KLHL3: variants seen among roughly 807,000 people sequenced by gnomAD.
KLHL3 encodes the protein kelch-like protein 3.
In KLHL3, 19 loss-of-function variants were observed where a neutral mutation model predicts 70.5. That is an observed-to-expected ratio of 0.27 (90% CI 0.19 to 0.40). KLHL3 has a LOEUF of 0.40. Ranked by LOEUF, KLHL3 falls within the 10% of genes least tolerant of loss-of-function variation. The pLI is 1.00. For missense variants in KLHL3, 512 were observed against 771.1 expected (o/e 0.66, Z 3.98); for synonymous variants, 258 against 290.3 (o/e 0.89, Z 1.13).
chr5:137,640,340 G>C (rs921273931), intron 8 of KLHL3, among the ~76,000 whole-genome samples: 2 of 152,182 alleles, frequency 1.3e-5, no homozygotes, highest in African/African-American at 4.8e-5. Flanking sequence ...CTTTGAAAAA[G>C]AGTTCAGAAT....
intron 5 of KLHL3, among the ~76,000 whole-genome samples, chr5:137,685,235 T>C (rs893044827): frequency 6.6e-6 from 1 of 152,146 alleles, no homozygotes; most frequent in South Asian, 2.1e-4. Context: ...TACTCCAAAA[T>C]ATTATGTACA....
intron 11 of KLHL3, among the ~76,000 whole-genome samples, chr5:137,636,182 T>TACTACTAACATAG (rs920583985): frequency 6.6e-6 from 1 of 152,184 alleles, no homozygotes; most frequent in African/African-American, 2.4e-5. Context: ...TATGTTAGAA[T>TACTACTAACATAG]AGTACACCTT....
chr5:137,627,722 T>TA (rs1413008135), intron 13 of KLHL3, among the ~76,000 whole-genome samples: 3 of 151,974 alleles, frequency 2.0e-5, no homozygotes, highest in African/African-American at 7.3e-5. Flanking sequence ...CCAAGAAATA[T>TA]AAACCTAAAT....
intron 2 of KLHL3, among the ~76,000 whole-genome samples, chr5:137,718,732 T>A (rs2149934254): frequency 6.6e-6 from 1 of 152,208 alleles, no homozygotes; most frequent in Admixed American, 6.5e-5. Context: ...CAAGACAAAT[T>A]CTTCAGTTAA....
intron 6 of KLHL3, among the ~76,000 whole-genome samples, chr5:137,669,164 GAACC>G (rs1007361656): frequency 6.6e-6 from 1 of 152,106 alleles, no homozygotes; most frequent in Admixed American, 6.5e-5. Flanking sequence ...ACAGCAATTA[GAACC>G]ACTGATTTCA....
chr5:137,734,971 G>C (rs1753237474), intron 1 of KLHL3, among the ~76,000 whole-genome samples: 3 of 152,180 alleles, frequency 2.0e-5, no homozygotes, highest in African/African-American at 7.2e-5. Context: ...TTTTCTGCTG[G>C]TTCCTATTTC....
In KLHL3 at chr5:137,639,999, T is replaced by C. The variant is rs764587634; in HGVS notation, c.904-22A>G. 1.9e-6 allele frequency: 3 copies of C among 1,600,828 alleles called. No individual in the cohort carries two copies. In the African/African-American group the frequency reaches 4.0e-5, roughly 21 times the overall value. On this transcript the variant is annotated intron_variant, in intron 8 of 14. Coordinates refer to ENST00000309755, the MANE Select transcript of KLHL3 (RefSeq NM_017415.3). The surrounding 1 kb of genome is among the most constrained non-coding windows in gnomAD (Gnocchi z 5.0). ...TGACCTCCGGAGAGACAAGTGGACG[T>C]TAGCGGGGTCACCCCAAAATCTGGA...
intron 6 of KLHL3, among the ~76,000 whole-genome samples, chr5:137,670,971 CAA>C (rs35273673): frequency 7.7e-4 from 101 of 131,440 alleles, no homozygotes; most frequent in Admixed American, 9.8e-4. Context: ...GACTCCACCT[CAA>C]AAAAAAAAAA....
At chr5:137,653,490 G>GGC (rs1244963335) in intron 8 of KLHL3, among the ~76,000 whole-genome samples, 1 of 152,128 alleles carries the variant, frequency 6.6e-6, no homozygotes, top group Admixed American at 6.5e-5. Flanking sequence ...GTGGCAAATA[G>GGC]GCACATGAGA....
At chr5:137,685,891 A>G (rs1305050376) in intron 5 of KLHL3, among the ~76,000 whole-genome samples, 1 of 152,232 alleles carries the variant, frequency 6.6e-6, no homozygotes, top group African/African-American at 2.4e-5. Context: ...ATATACATCA[A>G]GGTGCTGCCA....
At chr5:137,701,110 G>T (rs761709328) in intron 3 of KLHL3, among the ~76,000 whole-genome samples, 1 of 151,884 alleles carries the variant, frequency 6.6e-6, no homozygotes, top group East Asian at 1.9e-4. Flanking sequence ...TCAGCTCACC[G>T]CAACCTCTGC....
At chr5:137,647,806 G>A (rs186333528) in intron 8 of KLHL3, among the ~76,000 whole-genome samples, 1 of 152,324 alleles carries the variant, frequency 6.6e-6, no homozygotes, top group Non-Finnish European at 1.5e-5. Flanking sequence ...GGCCCGGGGG[G>A]AGAGAAGAGG....
intron 7 of KLHL3, among the ~76,000 whole-genome samples, chr5:137,658,757 G>A (rs1472872444): frequency 1.3e-5 from 2 of 152,116 alleles, no homozygotes; most frequent in East Asian, 3.9e-4. Flanking sequence ...GAGGCATTGA[G>A]TAAAATAAGC....
At position 137,655,961 on chromosome 5, in the gene KLHL3, G is replaced by A. The variant is rs76151831; in HGVS notation, c.903+2170C>T. ...AGCTGAGATCACTCCACTGCACTCC[G>A]GCCTGGGTAGAAGAACAAGACTCTG... On this transcript the variant is annotated intron_variant, in intron 8 of 14. Transcript: ENST00000309755. Among the ~76,000 whole-genome samples the A allele has an allele frequency of 8.8e-5, 13 of 147,412 alleles. No individual in the cohort carries two copies. The South Asian group carries it at 1.3e-3, about 15-fold the overall frequency.
At chr5:137,665,705 G>GA (rs1404017705) in intron 6 of KLHL3, among the ~76,000 whole-genome samples, 3 of 152,094 alleles carry the variant, frequency 2.0e-5, no homozygotes, top group African/African-American at 7.2e-5. Flanking sequence ...CTGCCAGGAG[G>GA]AAAAAAGGAC....
intron 3 of KLHL3, chr5:137,706,336 C>A: frequency 4.1e-6 from 4 of 985,304 alleles, no homozygotes; most frequent in Non-Finnish European, 4.8e-6. Context: ...TGAAGCTGAA[C>A]CTGATAATTA....
rs541115511 is a variant in KLHL3, at chr5:137,622,791, T to C, written c.1736-665A>G. Among the ~76,000 whole-genome samples, 14 of 152,374 alleles carry C rather than the reference T, an allele frequency of 9.2e-5. No homozygotes were observed. In the East Asian group the frequency reaches 2.3e-3, roughly 25 times the overall value. ...CAGCACCTAACTATAAATCCACGCA[T>C]GACCCAAAATCTCACTGTAAGGGAC... On this transcript the variant is annotated intron_variant, in intron 14 of 14. Coordinates refer to ENST00000309755, the MANE Select transcript of KLHL3 (RefSeq NM_017415.3).
chr5:137,723,411 A>G (rs1753034278), intron 1 of KLHL3, among the ~76,000 whole-genome samples: 1 of 152,246 alleles, frequency 6.6e-6, no homozygotes, highest in Non-Finnish European at 1.5e-5. Context: ...CCTCTTTAAT[A>G]TCACTCAGAC....
chr5:137,691,715 A>G (rs1286258422), intron 5 of KLHL3, among the ~76,000 whole-genome samples: 1 of 150,850 alleles, frequency 6.6e-6, no homozygotes, highest in Non-Finnish European at 1.5e-5. Context: ...GATTCACACC[A>G]TTCTCCTGCC....
Sources: gnomAD v4.1 joint callset for allele counts (sites outside exome capture counted in the v4.1 genomes callset) on GRCh38, gnomAD v4.1.1 for gene constraint, Gnocchi (gnomAD v3.1) non-coding constraint, MANE v1.5 for transcripts, NCBI Gene and HGNC (gene_info 2026-07-23, HGNC 2026-07-21) for gene names.